KCNAB1: variants seen among roughly 807,000 people sequenced by gnomAD.
KCNAB1 encodes potassium voltage-gated channel subfamily A regulatory beta subunit 1.
Under a neutral mutation model 64.6 loss-of-function variants are expected in KCNAB1, and 35 were observed. The observed-to-expected ratio is 0.54, with a 90% CI of 0.41 to 0.72. KCNAB1 has a LOEUF of 0.72. KCNAB1 is among the 30% of genes least tolerant of loss of function. The pLI is 0.00. For synonymous variants in KCNAB1, 177 were observed against 183.8 expected (o/e 0.96, Z 0.30); for missense variants, 401 against 512.9 (o/e 0.78, Z 2.11).
intron 1 of KCNAB1, among the ~76,000 whole-genome samples, chr3:156,218,841 A>T (rs1715511274): frequency 6.7e-6 from 1 of 148,652 alleles, no homozygotes. Context: ...AAATAAATAA[A>T]TATAAAAAAA....
At chr3:156,235,340 G>A (rs1716784457) in intron 1 of KCNAB1, among the ~76,000 whole-genome samples, 1 of 152,184 alleles carries the variant, frequency 6.6e-6, no homozygotes, top group South Asian at 2.1e-4. Flanking sequence ...TGTGTCCTAC[G>A]TCTTTCATTC....
chr3:156,286,995 A>C (rs929787393), intron 1 of KCNAB1, among the ~76,000 whole-genome samples: 1 of 152,126 alleles, frequency 6.6e-6, no homozygotes, highest in Non-Finnish European at 1.5e-5. Context: ...GCACCATTTT[A>C]TCTCTCTGAG....
intron 8 of KCNAB1, among the ~76,000 whole-genome samples, chr3:156,488,775 T>C (rs752724483): frequency 1.5e-4 from 23 of 151,968 alleles, no homozygotes; most frequent in Non-Finnish European, 3.4e-4. Context: ...GGAGATATGT[T>C]AAAAAATGGT....
rs139752735 is a variant in KCNAB1 at position 156,354,824 on chromosome 3, G to T, written c.276-66792G>T. 4.9e-4 allele frequency among the ~76,000 whole-genome samples: 75 copies of T among 152,048 alleles called. 1 individual carries two copies. In the East Asian group the frequency reaches 0.013, roughly 25 times the overall value. Reference sequence around the variant, plus strand: ...TATTTCGTTCCAGAAAAACTAAGGCGTTACAACTTGCAATGTATCTGGTTT... The same window carrying T: ...TATTTCGTTCCAGAAAAACTAAGGCTTTACAACTTGCAATGTATCTGGTTT... On this transcript the variant is annotated intron_variant, in intron 1 of 13. Coordinates refer to ENST00000490337, the MANE Select transcript of KCNAB1 (RefSeq NM_172160.3).
At chr3:156,396,878 T>G (rs1713501482) in intron 1 of KCNAB1, among the ~76,000 whole-genome samples, 1 of 152,228 alleles carries the variant, frequency 6.6e-6, no homozygotes, top group Admixed American at 6.5e-5. Context: ...ACATAACCAG[T>G]TACTTCAGTT....
chr3:156,350,749 A>G (rs1724804348), intron 1 of KCNAB1, among the ~76,000 whole-genome samples: 1 of 152,248 alleles, frequency 6.6e-6, no homozygotes, highest in African/African-American at 2.4e-5. Context: ...GTTTTGATTC[A>G]CCAAAATTTT....
intron 1 of KCNAB1, among the ~76,000 whole-genome samples, chr3:156,319,188 C>A (rs540256950): frequency 5.3e-5 from 8 of 152,268 alleles, no homozygotes; most frequent in African/African-American, 1.9e-4. Flanking sequence ...ATACAGTCAG[C>A]CTGGCAGTGA....
At chr3:156,147,018 A>T (rs566422761) in intron 1 of KCNAB1, among the ~76,000 whole-genome samples, 1 of 152,360 alleles carries the variant, frequency 6.6e-6, no homozygotes, top group South Asian at 2.1e-4. Flanking sequence ...TAATTGAGAA[A>T]GATAAAAATA....
chr3:156,176,200 A>G, intron 1 of KCNAB1: 1 of 777,808 alleles, frequency 1.3e-6, no homozygotes, highest in Non-Finnish European at 2.4e-6. Context: ...ACTTAAGGTC[A>G]GGCCAGTCAC....
At chr3:156,344,657 A>G (rs373279601) in intron 1 of KCNAB1, among the ~76,000 whole-genome samples, 33 of 152,346 alleles carry the variant, frequency 2.2e-4, no homozygotes, top group Admixed American at 1.0e-3. Context: ...TGGGCCTGGG[A>G]TGGTTTTGAG....
At chr3:156,237,163 AT>A (rs1716900629) in intron 1 of KCNAB1, among the ~76,000 whole-genome samples, 1 of 152,160 alleles carries the variant, frequency 6.6e-6, no homozygotes, top group Non-Finnish European at 1.5e-5. Flanking sequence ...CATATAAATC[AT>A]TTTCTTTGAA....
At chr3:156,194,129 G>A (rs902913974) in intron 1 of KCNAB1, among the ~76,000 whole-genome samples, 2 of 151,428 alleles carry the variant, frequency 1.3e-5, no homozygotes, top group Admixed American at 6.6e-5. Context: ...TAAATATTAA[G>A]AAAAAATTTA....
chr3:156,469,595 A>C (rs1157209887), intron 7 of KCNAB1, among the ~76,000 whole-genome samples: 1 of 152,152 alleles, frequency 6.6e-6, no homozygotes, highest in African/African-American at 2.4e-5. Context: ...TTCTCTTAGG[A>C]ACTAATCTCT....
At chr3:156,397,657 G>T (rs1713562940) in intron 1 of KCNAB1, among the ~76,000 whole-genome samples, 1 of 151,758 alleles carries the variant, frequency 6.6e-6, no homozygotes. Flanking sequence ...CTTTACTTTG[G>T]TGTATTAAGA....
intron 8 of KCNAB1, among the ~76,000 whole-genome samples, chr3:156,476,312 C>G (rs1158295884): frequency 4.6e-5 from 7 of 152,002 alleles, no homozygotes; most frequent in Admixed American, 1.3e-4. Flanking sequence ...ACTCTTCCCC[C>G]CAAGTCCCCA....
intron 1 of KCNAB1, among the ~76,000 whole-genome samples, chr3:156,289,797 T>C (rs1382992755): frequency 2.0e-5 from 3 of 152,250 alleles, no homozygotes; most frequent in Non-Finnish European, 4.4e-5. Context: ...CAGGCACATA[T>C]TCTCCTTGAA....
At chr3:156,352,221 C>T (rs886820829) in intron 1 of KCNAB1, among the ~76,000 whole-genome samples, 1 of 152,172 alleles carries the variant, frequency 6.6e-6, no homozygotes, top group African/African-American at 2.4e-5. Flanking sequence ...CCCGGGGACC[C>T]GCATCAATGT....
intron 1 of KCNAB1, among the ~76,000 whole-genome samples, chr3:156,167,558 T>C (rs78118449): frequency 8.7e-4 from 133 of 152,176 alleles, no homozygotes; most frequent in African/African-American, 3.1e-3. Flanking sequence ...TATGACAACA[T>C]CAATAGAATA....
chr3:156,513,916 C>T (rs2108390710), intron 8 of KCNAB1, among the ~76,000 whole-genome samples: 1 of 152,310 alleles, frequency 6.6e-6, no homozygotes, highest in South Asian at 2.1e-4. Flanking sequence ...AGGTCCAGCT[C>T]TGCAAGTCCA....
Sources: allele counts gnomAD v4.1 joint callset (sites outside exome capture counted in the v4.1 genomes callset), GRCh38; gene constraint gnomAD v4.1.1; transcripts MANE v1.5; gene names NCBI Gene and HGNC (gene_info 2026-07-23, HGNC 2026-07-21).